NEDD9: variants seen among roughly 807,000 people sequenced by gnomAD.
NEDD9 encodes the protein neural precursor cell expressed, developmentally down-regulated 9, also known as enhancer of filamentation 1.
NEDD9 carries 26 observed loss-of-function variants against 76.6 expected under a neutral mutation model. That is an observed-to-expected ratio of 0.34 (90% CI 0.25 to 0.47). The LOEUF (loss-of-function observed/expected upper bound fraction) is 0.47, where lower values mean the gene tolerates loss of function less well. Ranked by LOEUF, NEDD9 falls within the 20% of genes least tolerant of loss-of-function variation. The pLI, the probability that NEDD9 is intolerant of heterozygous loss-of-function variation, is 1.00. For synonymous variants in NEDD9, 392 were observed against 414.2 expected (o/e 0.95, Z 0.65); for missense variants, 937 against 1,058.5 (o/e 0.89, Z 1.59).
chr6:11,254,569 C>T (rs971814795), intron 3 of NEDD9, among the ~76,000 whole-genome samples: 7 of 152,136 alleles, frequency 4.6e-5, no homozygotes, highest in South Asian at 4.2e-4. Flanking sequence ...GATTTTGCTG[C>T]ACCTGTCACC....
chr6:11,331,856 G>A (rs1341498943), intron 2 of NEDD9, among the ~76,000 whole-genome samples: 2 of 152,184 alleles, frequency 1.3e-5, no homozygotes, highest in Non-Finnish European at 2.9e-5. Context: ...ATCCCTCCCT[G>A]GGTAGAACTA....
Position 11,237,803 on chromosome 6 carries a change from G to T in NEDD9, c.13-24076C>A, listed in dbSNP as rs1420809205. Among the ~76,000 whole-genome samples, 2 of 152,216 alleles carry T rather than the reference G, an allele frequency of 1.3e-5. No homozygotes were observed. The highest frequency in any genetic ancestry group is 2.1e-4 in the South Asian group (1 of 4,822). On this transcript the variant is annotated intron_variant, in intron 3 of 3. Coordinates refer to the NEDD9 transcript ENST00000397378. The surrounding 1 kb of genome is among the most constrained non-coding windows in gnomAD (Gnocchi z 4.9). ...GACCCACACTCTAGATTAGTGCAAG[G>T]TACATCTATGCCTGAGTTCAGAATA...
chr6:11,375,334 A>G (rs1762953914), intron 1 of NEDD9, among the ~76,000 whole-genome samples: 1 of 152,270 alleles, frequency 6.6e-6, no homozygotes, highest in Non-Finnish European at 1.5e-5. Flanking sequence ...ACAGGCAGAA[A>G]TTGACTATAT....
At chr6:11,273,973 C>G (rs1271668752) in intron 3 of NEDD9, among the ~76,000 whole-genome samples, 1 of 152,182 alleles carries the variant, frequency 6.6e-6, no homozygotes, top group Admixed American at 6.5e-5. Flanking sequence ...TGTGCTTTTC[C>G]TCTTTCTAAT....
chr6:11,277,265 A>T (rs889549639), intron 3 of NEDD9, among the ~76,000 whole-genome samples: 1 of 152,250 alleles, frequency 6.6e-6, no homozygotes, highest in African/African-American at 2.4e-5. Context: ...CTTGATAGGT[A>T]GTGAGACTAT....
chr6:11,341,949 A>T (rs369858010), intron 1 of NEDD9, among the ~76,000 whole-genome samples: 2 of 152,184 alleles, frequency 1.3e-5, no homozygotes, highest in East Asian at 3.9e-4. Context: ...AATTAGAGAC[A>T]AATGGCCCTA....
At chr6:11,229,283 T>A (rs1759396188) in intron 1 of NEDD9, among the ~76,000 whole-genome samples, 1 of 152,248 alleles carries the variant, frequency 6.6e-6, no homozygotes. Flanking sequence ...AATTTTAATG[T>A]AGGCACGTAA....
At chr6:11,330,768 C>T (rs1025356391) in intron 2 of NEDD9, among the ~76,000 whole-genome samples, 1 of 152,182 alleles carries the variant, frequency 6.6e-6, no homozygotes, top group African/African-American at 2.4e-5. Flanking sequence ...TACTAAACCA[C>T]AAAACATAAA....
At chr6:11,330,893 T>C (rs370644870) in intron 2 of NEDD9, among the ~76,000 whole-genome samples, 10 of 152,206 alleles carry the variant, frequency 6.6e-5, no homozygotes, top group East Asian at 5.8e-4. Flanking sequence ...TAGCACTGCT[T>C]TAGGGTCTGA....
intron 2 of NEDD9, chr6:11,199,651 T>G (rs1212510769): frequency 1.5e-4 from 12 of 77,858 alleles, no homozygotes; most frequent in African/African-American, 6.6e-4. Context: ...TTTTTTTTTT[T>G]TTTTTTTTTT....
At chr6:11,364,244 G>T (rs995533326) in intron 1 of NEDD9, among the ~76,000 whole-genome samples, 1 of 152,126 alleles carries the variant, frequency 6.6e-6, no homozygotes, top group African/African-American at 2.4e-5. Flanking sequence ...GTCATAACTC[G>T]TTGCTGGAGG....
At chr6:11,281,485 A>G (rs76126451) in intron 3 of NEDD9, among the ~76,000 whole-genome samples, 3,711 of 152,222 alleles carry the variant, frequency 0.024, 76 homozygotes, top group East Asian at 0.11. Flanking sequence ...AGAAGATGTG[A>G]TATCTGGAGC....
chr6:11,379,817 G>A lies in NEDD9; in HGVS notation c.-214+2322C>T, dbSNP rs60478304. Among the ~76,000 whole-genome samples, 1,425 of 152,262 alleles carry A rather than the reference G, an allele frequency of 9.4e-3. 52 individuals carry two copies. The East Asian group carries it at 0.11, about 12-fold the overall frequency. The stretch of plus-strand genomic sequence containing the variant: ...CGACTTTCTCTTGTTAAAACAGTAA[G>A]GAGCCAAGAGTTAGAGTAGCTTTAA... On this transcript the variant is annotated intron_variant, in intron 1 of 3. Transcript: ENST00000397378.
At chr6:11,201,210 C>A (rs1297830508) in intron 2 of NEDD9, among the ~76,000 whole-genome samples, 2 of 152,208 alleles carry the variant, frequency 1.3e-5, no homozygotes, top group African/African-American at 4.8e-5. Flanking sequence ...GCAGCGGCAG[C>A]AGAGGCCATG....
chr6:11,244,175 T>C (rs1009757905), intron 3 of NEDD9, among the ~76,000 whole-genome samples: 3 of 152,100 alleles, frequency 2.0e-5, no homozygotes, highest in African/African-American at 7.2e-5. Context: ...CTTCCCAGGG[T>C]CCACATGCTG....
At chr6:11,231,909 A>C (rs916597283) in intron 1 of NEDD9, among the ~76,000 whole-genome samples, 2 of 152,254 alleles carry the variant, frequency 1.3e-5, no homozygotes, top group African/African-American at 4.8e-5. Flanking sequence ...AATGTTTTCA[A>C]GAAATGGCTC....
intron 3 of NEDD9, among the ~76,000 whole-genome samples, chr6:11,277,766 C>G (rs1760446430): frequency 6.6e-6 from 1 of 152,182 alleles, no homozygotes; most frequent in South Asian, 2.1e-4. Context: ...CTTTCTGATT[C>G]TACAGCGGAT....
intron 1 of NEDD9, among the ~76,000 whole-genome samples, chr6:11,335,811 A>G (rs1762145684): frequency 6.6e-6 from 1 of 152,252 alleles, no homozygotes; most frequent in South Asian, 2.1e-4. Flanking sequence ...TCTAAAATTC[A>G]CAGTCCCAAA....
At chr6:11,253,447 C>T (rs977488015) in intron 3 of NEDD9, among the ~76,000 whole-genome samples, 4 of 152,180 alleles carry the variant, frequency 2.6e-5, no homozygotes, top group African/African-American at 9.7e-5. Context: ...CATACATCTC[C>T]AGGAAAATTG....
Sources: allele counts gnomAD v4.1 joint callset (sites outside exome capture counted in the v4.1 genomes callset), GRCh38; gene constraint gnomAD v4.1.1; non-coding constraint Gnocchi (gnomAD v3.1); transcripts MANE v1.5; gene names NCBI Gene and HGNC (gene_info 2026-07-23, HGNC 2026-07-21).